The following PPP1R12A variants were observed in gnomAD, a reference collection of about 807,000 sequenced individuals.
PPP1R12A encodes myosin binding subunit.
In PPP1R12A, 19 loss-of-function variants were observed where a neutral mutation model predicts 139.6. The observed-to-expected ratio is 0.14, with a 90% CI of 0.09 to 0.20. PPP1R12A has a LOEUF of 0.20. Among genes scored for constraint, PPP1R12A ranks in the 10% least tolerant of loss-of-function variants. The probability of loss-of-function intolerance (pLI) is 1.00; values close to 1 mark genes in which losing one functional copy is unlikely to be tolerated. For synonymous variants in PPP1R12A, 427 were observed against 420.6 expected (o/e 1.02, Z -0.19); for missense variants, 925 against 1,211.5 (o/e 0.76, Z 3.51).
chr12:79,929,000 C>G (rs146974656), intron 1 of PPP1R12A, among the ~76,000 whole-genome samples: 3 of 152,336 alleles, frequency 2.0e-5, no homozygotes, highest in Non-Finnish European at 4.4e-5. Flanking sequence ...TTGTATTCCT[C>G]TAGAAGTGGT....
At chr12:79,799,759 C>T (rs1872880947) in intron 14 of PPP1R12A, among the ~76,000 whole-genome samples, 1 of 152,034 alleles carries the variant, frequency 6.6e-6, no homozygotes, top group Non-Finnish European at 1.5e-5. Context: ...CCTGTAATTC[C>T]AGCACATTGG....
At chr12:79,812,396 G>GTGTGT (rs1874695623) in intron 9 of PPP1R12A, among the ~76,000 whole-genome samples, 1 of 148,540 alleles carries the variant, frequency 6.7e-6, no homozygotes, top group African/African-American at 2.6e-5. Flanking sequence ...GTGTGCGTGT[G>GTGTGT]TGTGTGTGTG....
intron 1 of PPP1R12A, among the ~76,000 whole-genome samples, chr12:79,890,843 C>T (rs1266303860): frequency 6.6e-6 from 1 of 150,910 alleles, no homozygotes; most frequent in Non-Finnish European, 1.5e-5. Context: ...CTCCTTACTC[C>T]AGTATACATA....
intron 1 of PPP1R12A, among the ~76,000 whole-genome samples, chr12:79,917,337 T>C (rs12423630): frequency 0.041 from 6,146 of 151,326 alleles, 431 homozygotes; most frequent in East Asian, 0.29. Context: ...ATAGAAAAAA[T>C]AGCTGGGCGT....
At chr12:79,933,572 G>A (rs1283918593) in intron 1 of PPP1R12A, among the ~76,000 whole-genome samples, 4 of 152,198 alleles carry the variant, frequency 2.6e-5, no homozygotes, top group Non-Finnish European at 4.4e-5. Context: ...TCGCTGCAAA[G>A]TCATTTTCTA....
chr12:79,872,810 T>C lies in PPP1R12A; in HGVS notation c.366A>G (p.Ala122=). The C allele has an allele frequency of 6.2e-7, 1 of 1,613,466 alleles. No individual in the cohort carries two copies. Among genetic ancestry groups the C allele is most frequent in the South Asian group, 1.1e-5 (1 of 91,054 alleles). ...ATGAAAACACAGAACTGGCTTACTC[T>C]GCAATATCAAGATATCCACAGGAAG... ...AAASCGYLDI[A]EFLIGQGAHV... The change falls in exon 2 of 25, where the codon GCA becomes GCG. Residue 122 remains alanine, a splice_region_variant and synonymous_variant. Transcript: ENST00000450142.
chr12:79,918,950 T>C (rs1887215840), intron 1 of PPP1R12A, among the ~76,000 whole-genome samples: 2 of 152,156 alleles, frequency 1.3e-5, no homozygotes, highest in South Asian at 4.2e-4. Flanking sequence ...ACCCCGTCTC[T>C]ACTAAAAATA....
At chr12:79,922,289 A>G (rs1887499905) in intron 1 of PPP1R12A, among the ~76,000 whole-genome samples, 1 of 152,124 alleles carries the variant, frequency 6.6e-6, no homozygotes, top group South Asian at 2.1e-4. Context: ...ACAATAAATA[A>G]AACAAAAATC....
chr12:79,813,644 TTATA>T (rs1048451975), intron 9 of PPP1R12A, among the ~76,000 whole-genome samples: 121 of 152,322 alleles, frequency 7.9e-4, no homozygotes, highest in Middle Eastern at 3.4e-3. Context: ...CCAGAGAGGC[TTATA>T]TAAACTTGTT....
In PPP1R12A at chr12:79,817,756, T is replaced by C. The variant is rs74961948; in HGVS notation, c.1115-238A>G. Among the ~76,000 whole-genome samples, 822 of 152,282 alleles carry C rather than the reference T, an allele frequency of 5.4e-3. 5 individuals are homozygous for C. Among genetic ancestry groups the C allele is most frequent in the African/African-American group, 0.019 (781 of 41,578 alleles). ...CACAACAAAGCTTCTGACAATAAAA[T>C]GCACAAATAGAATCTGACTTCTGTA... On this transcript the variant is annotated intron_variant, in intron 8 of 24. Coordinates refer to ENST00000450142, the MANE Select transcript of PPP1R12A (RefSeq NM_002480.3).
intron 1 of PPP1R12A, among the ~76,000 whole-genome samples, chr12:79,881,119 G>C (rs958597737): frequency 1.3e-5 from 2 of 151,852 alleles, no homozygotes; most frequent in Admixed American, 6.6e-5. Flanking sequence ...TATTCCCTTA[G>C]AAATAACAAT....
intron 1 of PPP1R12A, among the ~76,000 whole-genome samples, chr12:79,901,445 A>G (rs1885633592): frequency 6.6e-6 from 1 of 152,028 alleles, no homozygotes; most frequent in African/African-American, 2.4e-5. Context: ...ACATGTTTTC[A>G]TTTCTCTGGA....
At chr12:79,848,344 G>C (rs747156915) in intron 2 of PPP1R12A, among the ~76,000 whole-genome samples, 2 of 152,062 alleles carry the variant, frequency 1.3e-5, no homozygotes, top group African/African-American at 2.4e-5. Context: ...TATTCTCCTA[G>C]GCAAAATTCC....
In PPP1R12A at chr12:79,913,794, TAC is replaced by T. The variant is rs1231276217; in HGVS notation, c.237+20899_237+20900del. 4 of 152,304 alleles carry T rather than the reference TAC, an allele frequency of 2.6e-5. No individual in the cohort carries two copies. The South Asian group carries it at 6.2e-4, about 24-fold the overall frequency. 9.4% of individuals were successfully genotyped at this position (152,304 alleles called of 1,614,324 possible). ...TTCGGAAGAACATCTTTACAATACT[TAC>T]AGTCTTTCAAGCCATGAACATAGTA... On this transcript the variant is annotated intron_variant, in intron 1 of 24. Transcript: ENST00000450142.
chr12:79,879,132 C>T (rs1883388867), intron 1 of PPP1R12A, among the ~76,000 whole-genome samples: 1 of 152,162 alleles, frequency 6.6e-6, no homozygotes, highest in South Asian at 2.1e-4. Context: ...ATAATCCCAA[C>T]ACCTTGGGAG....
At chr12:79,797,785 C>A (rs1304203726) in intron 15 of PPP1R12A, among the ~76,000 whole-genome samples, 4 of 151,926 alleles carry the variant, frequency 2.6e-5, no homozygotes, top group Non-Finnish European at 5.9e-5. Context: ...ATAAATTTTT[C>A]AAGATTTGAC....
In PPP1R12A at chr12:79,832,466, C is replaced by T; in HGVS notation, c.513G>A (p.Lys171=). The part of the protein sequence containing the change: ...RQGVDIEAAR[K]EEERIMLRDA... ...CTCTAAGCATGATCCGTTCTTCTTC[C>T]TTTCGAGCTGCTTCTATATCAACCC... Residue 171 remains lysine (K), a synonymous_variant, in exon 4 of 25, where the codon AAG becomes AAA. Transcript: ENST00000450142. 2 of 1,608,316 alleles carry T rather than the reference C, an allele frequency of 1.2e-6. No homozygotes were observed. Among genetic ancestry groups the T allele is most frequent in the Non-Finnish European group, 1.7e-6 (2 of 1,177,872 alleles).
At chr12:79,918,281 C>G (rs1295604726) in intron 1 of PPP1R12A, among the ~76,000 whole-genome samples, 1 of 152,016 alleles carries the variant, frequency 6.6e-6, no homozygotes, top group Non-Finnish European at 1.5e-5. Flanking sequence ...CAGACTAAAT[C>G]CAAGGAAAAA....
intron 5 of PPP1R12A, chr12:79,825,568 C>A (rs1013599143): frequency 4.6e-5 from 7 of 151,736 alleles, no homozygotes; most frequent in Non-Finnish European, 1.0e-4. Flanking sequence ...TCTCCCACTT[C>A]CATGTAGAAA....
Sources: gnomAD v4.1 joint callset for allele counts (sites outside exome capture counted in the v4.1 genomes callset) on GRCh38, gnomAD v4.1.1 for gene constraint, MANE v1.5 for transcripts, NCBI Gene and HGNC (gene_info 2026-07-23, HGNC 2026-07-21) for gene names.